The following GABRG3 variants were observed in gnomAD, a reference collection of about 807,000 sequenced individuals.
The protein encoded by GABRG3 is gamma-aminobutyric acid receptor subunit gamma-3.
A neutral mutation model predicts 48.8 loss-of-function variants in GABRG3; 25 were observed. The observed-to-expected ratio is 0.51, with a 90% CI of 0.37 to 0.72. GABRG3 has a LOEUF of 0.72. GABRG3 is among the 30% of genes least tolerant of loss of function. The pLI is 0.00. For synonymous variants in GABRG3, 227 were observed against 217.6 expected (o/e 1.04, Z -0.38); for missense variants, 394 against 577.9 (o/e 0.68, Z 3.26).
chr15:27,003,777 C>T (rs1895509405), intron 2 of GABRG3, among the ~76,000 whole-genome samples: 1 of 151,914 alleles, frequency 6.6e-6, no homozygotes, highest in South Asian at 2.1e-4. Flanking sequence ...CAGAGGGGCT[C>T]CTCACTTCCC....
At chr15:27,276,878 T>A (rs1891271849) in intron 3 of GABRG3, among the ~76,000 whole-genome samples, 1 of 151,928 alleles carries the variant, frequency 6.6e-6, no homozygotes, top group Admixed American at 6.5e-5. Flanking sequence ...TGGGATCACA[T>A]GTTTTATGAG....
At chr15:27,314,223 TTAA>T (rs1455305608) in intron 3 of GABRG3, among the ~76,000 whole-genome samples, 1 of 152,048 alleles carries the variant, frequency 6.6e-6, no homozygotes, top group Non-Finnish European at 1.5e-5. Context: ...ACATACAATA[TTAA>T]TAAACTGGTT....
At chr15:27,082,511 T>C (rs1897008138) in intron 3 of GABRG3, among the ~76,000 whole-genome samples, 1 of 152,126 alleles carries the variant, frequency 6.6e-6, no homozygotes, top group African/African-American at 2.4e-5. Context: ...AGAGGAATCA[T>C]GACAAGGGGT....
At chr15:27,499,987 T>G (rs542466789) in intron 6 of GABRG3, among the ~76,000 whole-genome samples, 1 of 152,302 alleles carries the variant, frequency 6.6e-6, no homozygotes, top group African/African-American at 2.4e-5. Context: ...ATGCACAGTG[T>G]GTCCCCGCTG....
intron 5 of GABRG3, among the ~76,000 whole-genome samples, chr15:27,422,614 G>C (rs1452712251): frequency 1.3e-5 from 2 of 152,214 alleles, no homozygotes. Context: ...TGTCAACACT[G>C]AGTTTTCTAA....
At chr15:27,202,531 C>T (rs937542343) in intron 3 of GABRG3, among the ~76,000 whole-genome samples, 1 of 152,132 alleles carries the variant, frequency 6.6e-6, no homozygotes, top group Non-Finnish European at 1.5e-5. Context: ...TTCACATTCC[C>T]ACCAGCACTG....
At chr15:27,340,541 C>T (rs1421632387) in intron 5 of GABRG3, 1 of 153,742 alleles carries the variant, frequency 6.5e-6, no homozygotes, top group East Asian at 1.9e-4. Context: ...TTGAAGGAGC[C>T]ACTGAGAGTT....
At chr15:27,188,187 T>C (rs1262076391) in intron 3 of GABRG3, among the ~76,000 whole-genome samples, 4 of 152,290 alleles carry the variant, frequency 2.6e-5, no homozygotes, top group African/African-American at 7.2e-5. Flanking sequence ...GCAAGAAACA[T>C]ACGTGTGCAT....
At chr15:27,468,545 T>G (rs1889687322) in intron 5 of GABRG3, among the ~76,000 whole-genome samples, 1 of 152,204 alleles carries the variant, frequency 6.6e-6, no homozygotes, top group Non-Finnish European at 1.5e-5. Flanking sequence ...CAGGGTCTTA[T>G]CAGCTCATAG....
intron 5 of GABRG3, among the ~76,000 whole-genome samples, chr15:27,453,745 G>A (rs561138076): frequency 6.6e-6 from 1 of 152,246 alleles, no homozygotes; most frequent in African/African-American, 2.4e-5. Flanking sequence ...GGGATTACAG[G>A]CACCTGCCAA....
chr15:27,475,212 C>T (rs1595779628), intron 5 of GABRG3, among the ~76,000 whole-genome samples: 4 of 151,932 alleles, frequency 2.6e-5, no homozygotes, highest in Admixed American at 6.6e-5. Context: ...TGTTGTGCAG[C>T]GGGTGAAGGG....
chr15:27,237,117 T>G (rs777224555), intron 3 of GABRG3, among the ~76,000 whole-genome samples: 14 of 152,350 alleles, frequency 9.2e-5, no homozygotes, highest in Middle Eastern at 3.4e-3. Flanking sequence ...ATGAAGAGAA[T>G]TCAAGAGAAC....
At chr15:27,106,338 G>A (rs964509232) in intron 3 of GABRG3, among the ~76,000 whole-genome samples, 3 of 151,868 alleles carry the variant, frequency 2.0e-5, no homozygotes, top group Non-Finnish European at 4.4e-5. Flanking sequence ...CTTTACTATA[G>A]TAACCATTTT....
intron 3 of GABRG3, among the ~76,000 whole-genome samples, chr15:27,325,712 G>A (rs990312405): frequency 6.6e-6 from 1 of 152,120 alleles, no homozygotes; most frequent in Admixed American, 6.5e-5. Context: ...GCTTTGAAAA[G>A]CCTGGCATAC....
At chr15:27,520,218 T>C (rs1891126880) in intron 7 of GABRG3, 94 bp downstream of exon 7, 2 of 1,207,364 alleles carry the variant, frequency 1.7e-6, no homozygotes, top group Non-Finnish European at 2.3e-6. Context: ...TATTTAAATG[T>C]GAATGATCTC....
chr15:27,024,347 G>A (rs992504391), intron 2 of GABRG3, among the ~76,000 whole-genome samples: 1 of 152,148 alleles, frequency 6.6e-6, no homozygotes, highest in African/African-American at 2.4e-5. Flanking sequence ...GTTGCCTGAT[G>A]TTCTGGTGTT....
Position 27,540,413 on chromosome 15 carries a change from C to T in GABRG3, c.*7532C>T, listed in dbSNP as rs542793248. ...TTTTGTGAGCTCAAAAAGACAATCA[C>T]TGTGCTTCTTATCATCTAATTTGAG... On this transcript the variant is annotated 3_prime_UTR_variant, in exon 10 of 10. Coordinates refer to ENST00000615808, the MANE Select transcript of GABRG3 (RefSeq NM_033223.5). 6 of 152,326 alleles carry T rather than the reference C, an allele frequency of 3.9e-5. No individual in the cohort carries two copies. Among genetic ancestry groups the T allele is most frequent in the Admixed American group, 3.9e-4 (6 of 15,306 alleles). The allele number at this position is 152,326 out of a possible 1,614,324, so 9.4% of individuals were successfully genotyped here. A position where few individuals can be genotyped will look rare whatever the true frequency, so the allele number is the denominator to read the frequency against.
Position 27,214,010 on chromosome 15 carries a change from A to C in GABRG3, c.271-112799A>C, listed in dbSNP as rs181447885. Among the ~76,000 whole-genome samples the C allele has an allele frequency of 4.8e-3, 726 of 152,330 alleles. 6 individuals are homozygous for C. The highest frequency in any genetic ancestry group is 0.022 in the Admixed American group (330 of 15,298). Reference sequence around the variant, plus strand: ...GACCATGGATTTGGTGAAGTAGAGCAGTATTTTTTAGCAGGTAAAATCACA... The same window carrying C: ...GACCATGGATTTGGTGAAGTAGAGCCGTATTTTTTAGCAGGTAAAATCACA... On this transcript the variant is annotated intron_variant, in intron 3 of 9. Transcript: ENST00000615808.
At chr15:27,387,898 AG>A (rs1895982179) in intron 5 of GABRG3, among the ~76,000 whole-genome samples, 1 of 50,862 alleles carries the variant, frequency 2.0e-5, no homozygotes, top group Non-Finnish European at 3.8e-5. Flanking sequence ...GAGGGAAGGA[AG>A]GAAGGAGGGA....
Sources: allele counts gnomAD v4.1 joint callset (sites outside exome capture counted in the v4.1 genomes callset), GRCh38; gene constraint gnomAD v4.1.1; transcripts MANE v1.5; gene names NCBI Gene and HGNC (gene_info 2026-07-23, HGNC 2026-07-21).